Variants in TNPO1 observed in about 807,000 individuals in gnomAD.
The protein encoded by TNPO1 is transportin-1.
TNPO1 carries 8 observed loss-of-function variants against 119.5 expected under a neutral mutation model. The ratio of observed to expected loss-of-function variants is 0.07; its 90% CI spans 0.04 to 0.12. TNPO1 has a LOEUF of 0.12. Among genes scored for constraint, TNPO1 ranks in the 10% least tolerant of loss-of-function variants. The probability of loss-of-function intolerance (pLI) is 1.00; values close to 1 mark genes in which losing one functional copy is unlikely to be tolerated. For synonymous variants in TNPO1, 362 were observed against 363.0 expected (o/e 1.00, Z 0.03); for missense variants, 576 against 1,089.8 (o/e 0.53, Z 6.64).
rs1441321214 is a variant in TNPO1, at chr5:72,911,354, A to C, written c.*2681A>C. 2.6e-5 allele frequency: 4 copies of C among 152,474 alleles called. No homozygotes were observed. The highest frequency in any genetic ancestry group is 5.9e-5 in the Non-Finnish European group (4 of 67,940). 9.4% of individuals were successfully genotyped at this position (152,474 alleles called of 1,614,324 possible). A position where few individuals can be genotyped will look rare whatever the true frequency, so the allele number is the denominator to read the frequency against. On this transcript the variant is annotated 3_prime_UTR_variant, in exon 25 of 25. Coordinates refer to ENST00000337273, the MANE Select transcript of TNPO1 (RefSeq NM_002270.4). ...TTATTTAAATGAAATTTAATTTGAA[A>C]ATAGAAAATAAAATTAGGTAAATAT...
rs190428662 is a variant in TNPO1 at position 72,882,164 on chromosome 5, G to T, written c.921-303G>T. ...TGTAAGTCTTACCTAGTTAAATTAT[G>T]CTAGCTCTAATGTTTAATTACTACT... On this transcript the variant is annotated intron_variant, in intron 9 of 24. Coordinates refer to ENST00000337273, the MANE Select transcript of TNPO1 (RefSeq NM_002270.4). Among the ~76,000 whole-genome samples, 3 of 152,166 alleles carry T rather than the reference G, an allele frequency of 2.0e-5. No individual in the cohort carries two copies. The East Asian group carries it at 5.8e-4, about 29-fold the overall frequency.
At chr5:72,878,960 T>C in intron 9 of TNPO1, 1 of 495,808 alleles carries the variant, frequency 2.0e-6, no homozygotes, top group Non-Finnish European at 4.1e-6. Flanking sequence ...ACCATGCCAC[T>C]GTTTCCATGG....
chr5:72,876,320 G>GT (rs1402161428), intron 8 of TNPO1, among the ~76,000 whole-genome samples: 2 of 152,204 alleles, frequency 1.3e-5, no homozygotes, highest in East Asian at 3.8e-4. Flanking sequence ...TAGGTGAGAT[G>GT]TTTCAGTCCG....
intron 23 of TNPO1, among the ~76,000 whole-genome samples, chr5:72,904,802 A>C (rs138233955): frequency 0.016 from 2,482 of 152,086 alleles, 19 homozygotes; most frequent in Non-Finnish European, 0.02. Flanking sequence ...TGTCCCCGCC[A>C]CACACACAAA....
At chr5:72,895,561 A>G (rs1749369148) in intron 18 of TNPO1, among the ~76,000 whole-genome samples, 1 of 152,060 alleles carries the variant, frequency 6.6e-6, no homozygotes, top group Non-Finnish European at 1.5e-5. Context: ...CTTCCCCCCA[A>G]CAAAAAAATG....
chr5:72,868,278 A>G (rs1055689902), intron 6 of TNPO1, among the ~76,000 whole-genome samples: 3 of 151,834 alleles, frequency 2.0e-5, no homozygotes, highest in South Asian at 4.2e-4. Context: ...TAAAAATACA[A>G]AAAATTAGCC....
At chr5:72,842,531 A>G (rs1744958615) in intron 1 of TNPO1, among the ~76,000 whole-genome samples, 1 of 152,232 alleles carries the variant, frequency 6.6e-6, no homozygotes, top group African/African-American at 2.4e-5. Context: ...CATGTGTTTA[A>G]GTCTTCAATA....
At chr5:72,895,852 GT>G (rs1749391339) in intron 18 of TNPO1, among the ~76,000 whole-genome samples, 1 of 152,034 alleles carries the variant, frequency 6.6e-6, no homozygotes, top group Admixed American at 6.6e-5. Flanking sequence ...TCAGAGTTTT[GT>G]TTTTGTTTGA....
chr5:72,885,416 ATGGGG>A (rs1748547325), intron 11 of TNPO1, among the ~76,000 whole-genome samples: 1 of 152,230 alleles, frequency 6.6e-6, no homozygotes, highest in Non-Finnish European at 1.5e-5. Flanking sequence ...ACATACATGG[ATGGGG>A]GAACACTTCC....
At chr5:72,865,841 G>A (rs1746846966) in intron 6 of TNPO1, 112 bp downstream of exon 6, 4 of 1,139,450 alleles carry the variant, frequency 3.5e-6, no homozygotes, top group Admixed American at 2.6e-5. Context: ...GATATTGGAT[G>A]TTCCAGAGAG....
intron 1 of TNPO1, among the ~76,000 whole-genome samples, chr5:72,831,283 A>G (rs1360452107): frequency 6.6e-6 from 1 of 151,874 alleles, no homozygotes; most frequent in African/African-American, 2.4e-5. Flanking sequence ...TGGCTTTTAC[A>G]TATTTAGTAG....
At chr5:72,851,110 T>C (rs1202767157) in intron 2 of TNPO1, 134 bp from the exon 3 acceptor site, 3 of 639,102 alleles carry the variant, frequency 4.7e-6, no homozygotes, top group Non-Finnish European at 8.4e-6. Context: ...TAGTAAGATA[T>C]CCTTATTCTT....
intron 11 of TNPO1, among the ~76,000 whole-genome samples, chr5:72,886,590 A>G (rs1189173510): frequency 6.6e-6 from 1 of 152,214 alleles, no homozygotes; most frequent in Non-Finnish European, 1.5e-5. Flanking sequence ...GTCATAAAAA[A>G]TATTCATCTT....
At chr5:72,836,302 C>G (rs1387616388) in intron 1 of TNPO1, among the ~76,000 whole-genome samples, 3 of 152,180 alleles carry the variant, frequency 2.0e-5, no homozygotes, top group Non-Finnish European at 4.4e-5. Flanking sequence ...GGTGTTCTTT[C>G]AAATCTAGGT....
rs2112528010 is a variant in TNPO1 at position 72,910,876 on chromosome 5, T to C, written c.*2203T>C. 1 of 152,262 alleles carries C rather than the reference T, an allele frequency of 6.6e-6. No homozygotes were observed. Among genetic ancestry groups the C allele is most frequent in the Middle Eastern group, 3.4e-3 (1 of 294 alleles). The allele number at this position is 152,262 out of a possible 1,614,324, so 9.4% of individuals were successfully genotyped here. ...TACTTTGGCTTTGCAAATTTCAGTCTGTAGAGCCTGAAATTAAATTATTTT... is the reference window on the plus strand; with the variant it reads ...TACTTTGGCTTTGCAAATTTCAGTCCGTAGAGCCTGAAATTAAATTATTTT... On this transcript the variant is annotated 3_prime_UTR_variant, in exon 25 of 25. Transcript: ENST00000337273.
At chr5:72,871,919 G>C (rs1290184587) in intron 6 of TNPO1, 1 of 152,176 alleles carries the variant, frequency 6.6e-6, no homozygotes, top group Non-Finnish European at 1.5e-5. Context: ...TTAAGAGGTT[G>C]TAATTAAGAG....
intron 14 of TNPO1, 125 bp downstream of exon 14, chr5:72,890,082 G>T: frequency 3.8e-6 from 4 of 1,056,172 alleles, no homozygotes; most frequent in Non-Finnish European, 4.1e-6. Context: ...GCTACTTTAA[G>T]AGTATAGATC....
rs559537751 is a variant in TNPO1, at chr5:72,826,473, G to C, written c.15+9721G>C. The stretch of plus-strand genomic sequence containing the variant: ...CACTATGTATTTTATTCTGTTTATT[G>C]TCCTCCTCCTCCTGCAAGAATACAA... On this transcript the variant is annotated intron_variant, in intron 1 of 24. Coordinates refer to ENST00000337273, the MANE Select transcript of TNPO1 (RefSeq NM_002270.4). Among the ~76,000 whole-genome samples the C allele has an allele frequency of 1.3e-4, 20 of 151,852 alleles. No homozygotes were observed. The South Asian group carries it at 2.7e-3, about 21-fold the overall frequency.
At chr5:72,859,291 C>T (rs564949937) in intron 4 of TNPO1, among the ~76,000 whole-genome samples, 3 of 152,270 alleles carry the variant, frequency 2.0e-5, no homozygotes, top group South Asian at 4.1e-4. Context: ...GGATGTTAAT[C>T]AGCACACCTG....
Sources: allele counts gnomAD v4.1 joint callset (sites outside exome capture counted in the v4.1 genomes callset), GRCh38; gene constraint gnomAD v4.1.1; transcripts MANE v1.5; gene names NCBI Gene and HGNC (gene_info 2026-07-23, HGNC 2026-07-21).